Variants in LDLRAD4 observed in about 807,000 individuals in gnomAD.
The protein encoded by LDLRAD4 is low-density lipoprotein receptor class A domain-containing protein 4.
Under a neutral mutation model 17.0 loss-of-function variants are expected in LDLRAD4, and 5 were observed. The ratio of observed to expected loss-of-function variants is 0.29; its 90% CI spans 0.15 to 0.62. The LOEUF is 0.62. Ranked by LOEUF, LDLRAD4 falls within the 20% of genes least tolerant of loss-of-function variation. LDLRAD4 has a pLI of 0.84. For missense variants in LDLRAD4, 340 were observed against 424.7 expected (o/e 0.80, Z 1.75); for synonymous variants, 168 against 171.8 (o/e 0.98, Z 0.17).
chr18:13,256,233 G>A (rs1379840978), intron 1 of LDLRAD4, among the ~76,000 whole-genome samples: 1 of 152,206 alleles, frequency 6.6e-6, no homozygotes, highest in Non-Finnish European at 1.5e-5. Context: ...TGCCCTGGAT[G>A]TAGGGGGAGG....
chr18:13,505,400 G>A (rs1291990463), intron 3 of LDLRAD4, among the ~76,000 whole-genome samples: 2 of 152,176 alleles, frequency 1.3e-5, no homozygotes, highest in Non-Finnish European at 2.9e-5. Context: ...TATAATTGCT[G>A]CCCTGACCTT....
At chr18:13,304,088 C>T (rs566873565) in intron 1 of LDLRAD4, among the ~76,000 whole-genome samples, 34 of 152,330 alleles carry the variant, frequency 2.2e-4, no homozygotes, top group African/African-American at 6.0e-4. Context: ...CTGGTCCCCC[C>T]GGGAGGCAGC....
In LDLRAD4 at chr18:13,253,629, G is replaced by C. The variant is rs147711665; in HGVS notation, c.-466-24476G>C. On this transcript the variant is annotated intron_variant, in intron 1 of 5. Transcript: ENST00000399848. Reference sequence around the variant, plus strand: ...ACCCTTCGAGTTCTGCAAATGAAGTGGGGGGAGGAAGGAATGCATTCAAAG... The same window carrying C: ...ACCCTTCGAGTTCTGCAAATGAAGTCGGGGGAGGAAGGAATGCATTCAAAG... Among the ~76,000 whole-genome samples, 474 of 152,290 alleles carry C rather than the reference G, an allele frequency of 3.1e-3. 1 individual carries two copies. Among genetic ancestry groups the C allele is most frequent in the Middle Eastern group, 0.01 (3 of 294 alleles).
rs978518634 is a variant in LDLRAD4 at position 13,613,003 on chromosome 18, T to A, written c.182-8114T>A. 5.7e-6 allele frequency: 3 copies of A among 529,460 alleles called. No individual in the cohort carries two copies. The African/African-American group carries it at 5.7e-5, about 10-fold the overall frequency. The allele number at this position is 529,460 out of a possible 1,614,324, so 32.8% of individuals were successfully genotyped here. A position where few individuals can be genotyped will look rare whatever the true frequency, so the allele number is the denominator to read the frequency against. ...TTCTTTCAAGCCTGGAATTAGTTTG[T>A]TCCTGTTGGAGGTGTTATGCATGAG... On this transcript the variant is annotated intron_variant, in intron 3 of 5. Transcript: ENST00000359446.
chr18:13,583,269 T>C (rs1053112915), intron 3 of LDLRAD4, among the ~76,000 whole-genome samples: 10 of 152,228 alleles, frequency 6.6e-5, no homozygotes, highest in Non-Finnish European at 8.8e-5. Flanking sequence ...CTCATTTTTT[T>C]CTAAAACACT....
At chr18:13,306,109 A>G (rs1489300369) in intron 1 of LDLRAD4, among the ~76,000 whole-genome samples, 4 of 152,230 alleles carry the variant, frequency 2.6e-5, no homozygotes, top group East Asian at 1.9e-4. Flanking sequence ...ATCTGCCTCT[A>G]TAGGTTTATA....
chr18:13,602,530 A>C (rs2095176259), intron 3 of LDLRAD4, among the ~76,000 whole-genome samples: 1 of 127,128 alleles, frequency 7.9e-6, no homozygotes. Flanking sequence ...ATGGAGTCTC[A>C]CTCTGTCACC....
rs191956063 is a variant in LDLRAD4 at position 13,640,459 on chromosome 18, C to T, written c.337-2900C>T. Among the ~76,000 whole-genome samples, 4 of 152,322 alleles carry T rather than the reference C, an allele frequency of 2.6e-5. No homozygotes were observed. The East Asian group carries it at 7.7e-4, about 29-fold the overall frequency. On this transcript the variant is annotated intron_variant, in intron 4 of 5. Transcript: ENST00000359446. ...AGGCCATCCCGTCTGGCAGATGTCC[C>T]AAGGCAGGAATGGCCTGAACTCCTC... is the stretch of plus-strand genomic sequence containing the variant.
intron 1 of LDLRAD4, among the ~76,000 whole-genome samples, chr18:13,269,491 A>G (rs1412744734): frequency 1.3e-5 from 2 of 152,214 alleles, no homozygotes; most frequent in Non-Finnish European, 2.9e-5. Context: ...TCTATTTTCA[A>G]TTAAAATGAT....
At chr18:13,219,270 C>T (rs2041315200) in intron 1 of LDLRAD4, among the ~76,000 whole-genome samples, 1 of 152,110 alleles carries the variant, frequency 6.6e-6, no homozygotes, top group Non-Finnish European at 1.5e-5. Context: ...AGCAGGACTC[C>T]TTAGCTCTGC....
intron 2 of LDLRAD4, among the ~76,000 whole-genome samples, chr18:13,421,467 C>A (rs1415035000): frequency 6.6e-6 from 1 of 152,146 alleles, no homozygotes; most frequent in Non-Finnish European, 1.5e-5. Context: ...ATTTCCGTTT[C>A]TGAGTCCCCA....
chr18:13,498,112 C>A (rs1412211021), intron 3 of LDLRAD4, among the ~76,000 whole-genome samples: 18 of 144,374 alleles, frequency 1.2e-4, no homozygotes, highest in African/African-American at 4.4e-4. Flanking sequence ...ATCCTTCTGC[C>A]CACACAAGTC....
intron 1 of LDLRAD4, among the ~76,000 whole-genome samples, chr18:13,288,787 GT>G (rs2045797201): frequency 8.4e-6 from 1 of 119,172 alleles, no homozygotes; most frequent in African/African-American, 2.8e-5. Flanking sequence ...GCAGACCGTG[GT>G]CACTCTGCAA....
rs950547922 is a variant in LDLRAD4, at chr18:13,583,446, T to C, written c.182-37671T>C. Reference sequence around the variant, plus strand: ...GACGTGGTGGTCACGGCACCAACTTTGAGATGCCTAAGATCTAGTTAGTAG... The same window carrying C: ...GACGTGGTGGTCACGGCACCAACTTCGAGATGCCTAAGATCTAGTTAGTAG... On this transcript the variant is annotated intron_variant, in intron 3 of 5. Transcript: ENST00000359446. Among the ~76,000 whole-genome samples, 6 of 151,968 alleles carry C rather than the reference T, an allele frequency of 3.9e-5. No homozygotes were observed. The East Asian group carries it at 1.2e-3, about 29-fold the overall frequency.
chr18:13,498,892 ACTGGAGAATCCTTCTCG>A (rs1449794980), intron 3 of LDLRAD4, among the ~76,000 whole-genome samples: 37 of 148,290 alleles, frequency 2.5e-4, no homozygotes, highest in African/African-American at 8.8e-4. Flanking sequence ...CGCCGTGGAC[ACTGGAGAATCCTTCTCG>A]CCACACACGT....
intron 3 of LDLRAD4, among the ~76,000 whole-genome samples, chr18:13,610,292 TTTTTTTTTTTTTTG>T (rs1186809896): frequency 0.028 from 1,961 of 68,936 alleles, 120 homozygotes; most frequent in Non-Finnish European, 0.041. Context: ...TTTTTTTTTT[TTTTTTTTTTTTTTG>T]AGACGGAGTC....
Position 13,363,271 on chromosome 18 carries a change from G to A in LDLRAD4, c.-382-24070G>A, listed in dbSNP as rs1463408646. ...GGCGTGAACCTGGGAAGTGGAGCTT[G>A]CAGTGAGCCGAGATCGCGCCACTGC... On this transcript the variant is annotated intron_variant, in intron 1 of 5. Transcript: ENST00000359446. 6.8e-5 allele frequency among the ~76,000 whole-genome samples: 10 copies of A among 147,700 alleles called. No homozygotes were observed. The East Asian group carries it at 1.0e-3, about 15-fold the overall frequency.
intron 3 of LDLRAD4, among the ~76,000 whole-genome samples, chr18:13,505,814 T>C (rs1481976129): frequency 1.3e-5 from 2 of 151,692 alleles, no homozygotes; most frequent in East Asian, 3.9e-4. Flanking sequence ...CAAGACTCTG[T>C]CTCAAAAAAA....
rs555100653 is a variant in LDLRAD4 at position 13,333,265 on chromosome 18, G to C, written c.-382-54076G>C. 3.4e-3 allele frequency among the ~76,000 whole-genome samples: 517 copies of C among 152,150 alleles called. 6 individuals are homozygous for C. The highest frequency in any genetic ancestry group is 0.012 in the African/African-American group (493 of 41,528). On this transcript the variant is annotated intron_variant, in intron 1 of 5. Transcript: ENST00000359446. The stretch of plus-strand genomic sequence containing the variant: ...GTCCTATTTTTAAATTGGGTTGTTT[G>C]TTTTCTTATTTTTGAGTTTTAAGAA...
Sources: allele counts gnomAD v4.1 joint callset (sites outside exome capture counted in the v4.1 genomes callset), GRCh38; gene constraint gnomAD v4.1.1; transcripts MANE v1.5; gene names NCBI Gene and HGNC (gene_info 2026-07-23, HGNC 2026-07-21).